Variants in RNMT observed in about 807,000 individuals in gnomAD.
The protein encoded by RNMT is mRNA cap guanine-N(7) methyltransferase.
In RNMT, 27 loss-of-function variants were observed where a neutral mutation model predicts 56.0. That is an observed-to-expected ratio of 0.48 (90% CI 0.36 to 0.67). The LOEUF (loss-of-function observed/expected upper bound fraction) is 0.67, where lower values mean the gene tolerates loss of function less well. RNMT is among the 30% of genes least tolerant of loss of function. The pLI is 0.00. For synonymous variants in RNMT, 184 were observed against 176.2 expected (o/e 1.04, Z -0.35); for missense variants, 519 against 552.1 (o/e 0.94, Z 0.60).
intron 6 of RNMT, 23 bp downstream of exon 6, chr18:13,740,302 A>G (rs1184376948): frequency 8.2e-7 from 1 of 1,217,324 alleles, no homozygotes; most frequent in East Asian, 2.4e-5. Flanking sequence ...TCTTTGGTCA[A>G]TTTATTTTTT....
At chr18:13,755,477 A>G (rs1219909546) in intron 11 of RNMT, among the ~76,000 whole-genome samples, 2 of 152,234 alleles carry the variant, frequency 1.3e-5, no homozygotes, top group Non-Finnish European at 2.9e-5. Flanking sequence ...AGCTAAGATC[A>G]CAGAGCTAAC....
intron 8 of RNMT, among the ~76,000 whole-genome samples, chr18:13,745,250 G>C (rs1455086027): frequency 1.3e-5 from 2 of 152,162 alleles, no homozygotes; most frequent in Non-Finnish European, 2.9e-5. Context: ...ACATGACTCA[G>C]GTCCGCATTT....
At chr18:13,756,180 G>A (rs2044539729) in intron 11 of RNMT, among the ~76,000 whole-genome samples, 1 of 152,184 alleles carries the variant, frequency 6.6e-6, no homozygotes, top group Admixed American at 6.5e-5. Context: ...AGAAAGGAGA[G>A]AATTGCTATT....
At chr18:13,742,383 C>T in intron 7 of RNMT, 105 bp from the exon 8 acceptor site, 1 of 934,992 alleles carries the variant, frequency 1.1e-6, no homozygotes, top group East Asian at 2.7e-5. Flanking sequence ...AAAGGCTAAT[C>T]AAGTGTGCAT....
In RNMT at chr18:13,763,133, C is replaced by A; in HGVS notation, c.*3154C>A. On this transcript the variant is annotated 3_prime_UTR_variant, in exon 12 of 12. Transcript: ENST00000383314. Reference sequence around the variant, plus strand: ...TGGCCTGTTGGTCAAATAGGAAGTACAAGTGTGTGATGTTAGAACCTCCCT... The same window carrying A: ...TGGCCTGTTGGTCAAATAGGAAGTAAAAGTGTGTGATGTTAGAACCTCCCT... 4.4e-6 allele frequency: 2 copies of A among 455,978 alleles called. No individual in the cohort carries two copies. The highest frequency in any genetic ancestry group is 8.8e-6 in the Non-Finnish European group (2 of 226,776). The allele number at this position is 455,978 out of a possible 1,614,324, so 28.2% of individuals were successfully genotyped here.
chr18:13,750,090 A>T (rs540371007), intron 9 of RNMT, among the ~76,000 whole-genome samples: 1 of 152,162 alleles, frequency 6.6e-6, no homozygotes, highest in African/African-American at 2.4e-5. Flanking sequence ...CAAAATGCAG[A>T]TACTATAAAG....
At chr18:13,727,439 G>A (rs1212649481) in intron 1 of RNMT, among the ~76,000 whole-genome samples, 2 of 152,316 alleles carry the variant, frequency 1.3e-5, no homozygotes, top group African/African-American at 4.8e-5. Context: ...TCCACTTTGA[G>A]TTTGGTTTGG....
chr18:13,749,545 T>G (rs1350785068), intron 9 of RNMT, among the ~76,000 whole-genome samples: 1 of 152,188 alleles, frequency 6.6e-6, no homozygotes, highest in Admixed American at 6.5e-5. Flanking sequence ...TCTTAAAAGT[T>G]TATTAGGGAG....
In RNMT at chr18:13,755,332, T is replaced by C. The variant is rs552999092; in HGVS notation, c.1393+1185T>C. Among the ~76,000 whole-genome samples the C allele has an allele frequency of 2.6e-5, 4 of 152,326 alleles. No individual in the cohort carries two copies. The East Asian group carries it at 5.8e-4, about 22-fold the overall frequency. On this transcript the variant is annotated intron_variant, in intron 11 of 11. Coordinates refer to ENST00000383314, the MANE Select transcript of RNMT (RefSeq NM_003799.3). ...ATGTAGTAATATTGATATTACTGAG[T>C]GTTGAACATGTGCAGGTGCGTGTAA...
At chr18:13,733,947 C>T (rs2044116511) in intron 3 of RNMT, among the ~76,000 whole-genome samples, 1 of 152,170 alleles carries the variant, frequency 6.6e-6, no homozygotes, top group Non-Finnish European at 1.5e-5. Context: ...TGTCCCTACC[C>T]AGATCTCATC....
Position 13,761,940 on chromosome 18 carries a change from CT to C in RNMT, c.*1963del. The C allele has an allele frequency of 7.1e-7, 1 of 1,417,618 alleles. No individual in the cohort carries two copies. Among genetic ancestry groups the C allele is most frequent in the Non-Finnish European group, 9.3e-7 (1 of 1,080,074 alleles). The allele number at this position is 1,417,618 out of a possible 1,614,324, so 87.8% of individuals were successfully genotyped here. A position where few individuals can be genotyped will look rare whatever the true frequency, so the allele number is the denominator to read the frequency against. ...CTGTTAGGAAGAGGACTAGAAAAGG[CT>C]TCCCCTGCCTATCCTCTCCGATCAC... is the stretch of plus-strand genomic sequence containing the variant. On this transcript the variant is annotated 3_prime_UTR_variant, in exon 12 of 12. Coordinates refer to ENST00000383314, the MANE Select transcript of RNMT (RefSeq NM_003799.3).
In RNMT at chr18:13,752,359, T is replaced by C; in HGVS notation, c.1291T>C (p.Ser431Pro). ...TGCAAATGAGAGTTCTAAACTTGTCTCTGAGAAGGTGGATGACTATGAACA... is the reference window on the plus strand; with the variant it reads ...TGCAAATGAGAGTTCTAAACTTGTCCCTGAGAAGGTGGATGACTATGAACA... The part of the protein sequence containing the change: ...YPANESSKLV[S>P]EKVDDYEHAA... Residue 431 changes from serine to proline, a missense_variant, in exon 10 of 12, where the codon TCT becomes CCT. Ser to Pro is a moderately conservative substitution (Grantham distance 74). Transcript: ENST00000383314. The C allele has an allele frequency of 6.2e-7, 1 of 1,613,312 alleles. No individual in the cohort carries two copies. Among genetic ancestry groups the C allele is most frequent in the Middle Eastern group, 1.7e-4 (1 of 6,056 alleles).
intron 8 of RNMT, 21 bp from the exon 9 acceptor site, chr18:13,746,199 T>G (rs1602023535): frequency 3.2e-6 from 4 of 1,240,112 alleles, no homozygotes; most frequent in South Asian, 1.3e-5. Flanking sequence ...GCTTTTTCAT[T>G]AAGTATTCTT....
At position 13,761,421 on chromosome 18, in the gene RNMT, A is replaced by T. The variant is rs2044617181; in HGVS notation, c.*1442A>T. 1 of 985,466 alleles carries T rather than the reference A, an allele frequency of 1.0e-6. No individual in the cohort carries two copies. The highest frequency in any genetic ancestry group is 1.7e-5 in the African/African-American group (1 of 57,262). 61.0% of individuals were successfully genotyped at this position (985,466 alleles called of 1,614,324 possible). On this transcript the variant is annotated 3_prime_UTR_variant, in exon 12 of 12. Coordinates refer to ENST00000383314, the MANE Select transcript of RNMT (RefSeq NM_003799.3). ...ACATATGCAGGTTCGTTTTCATTCT[A>T]GGGCAGTGCCAGGAAGTATATTGAT...
intron 9 of RNMT, among the ~76,000 whole-genome samples, chr18:13,750,127 T>A (rs999849941): frequency 2.0e-5 from 3 of 152,152 alleles, no homozygotes; most frequent in Admixed American, 6.5e-5. Context: ...GAATTAAAAA[T>A]GGCACTTGAA....
intron 8 of RNMT, chr18:13,742,929 T>C (rs2044276084): frequency 4.1e-6 from 1 of 242,932 alleles, no homozygotes; most frequent in African/African-American, 2.3e-5. Flanking sequence ...CCAGTTGCCT[T>C]CAGCTTGTGG....
rs142277511 is a variant in RNMT, at chr18:13,732,762, T to TTTTTTTTTC, written c.417+828_417+829insTTTTTTTTC. On this transcript the variant is annotated intron_variant, in intron 3 of 11. Transcript: ENST00000383314. ...CCCCCCTTTTTTTTTTTTTTTTTTTTGGAGACAGAGTCTCACTCTGTCTCC... is the reference window on the plus strand; with the variant it reads ...CCCCCCTTTTTTTTTTTTTTTTTTTTTTTTTTTTCGGAGACAGAGTCTCACTCTGTCTCC... Among the ~76,000 whole-genome samples the TTTTTTTTTC allele has an allele frequency of 4.1e-5, 4 of 98,680 alleles. 1 individual carries two copies. The highest frequency in any genetic ancestry group is 7.5e-4 in the South Asian group (2 of 2,670). The allele number at this position is 98,680 out of a possible 152,430, so 64.7% of individuals were successfully genotyped here.
intron 11 of RNMT, among the ~76,000 whole-genome samples, chr18:13,759,721 G>C (rs927468504): frequency 6.6e-6 from 1 of 152,078 alleles, no homozygotes; most frequent in Non-Finnish European, 1.5e-5. Context: ...ATATCACTGA[G>C]TATTATAGTA....
rs552795636 is a variant in RNMT at position 13,762,459 on chromosome 18, A to G, written c.*2480A>G. 3.4e-5 allele frequency: 10 copies of G among 290,000 alleles called. No individual in the cohort carries two copies. In the East Asian group the frequency reaches 8.1e-4, roughly 23 times the overall value. 18.0% of individuals were successfully genotyped at this position (290,000 alleles called of 1,614,324 possible). On this transcript the variant is annotated 3_prime_UTR_variant, in exon 12 of 12. Coordinates refer to ENST00000383314, the MANE Select transcript of RNMT (RefSeq NM_003799.3). Reference sequence around the variant, plus strand: ...TCAGGCTTGGCCCTGCTGTGCCTTCAGTACCCAGCCAGGTTCTCTGGGTCC... The same window carrying G: ...TCAGGCTTGGCCCTGCTGTGCCTTCGGTACCCAGCCAGGTTCTCTGGGTCC...
Sources: gnomAD v4.1 joint callset for allele counts (sites outside exome capture counted in the v4.1 genomes callset) on GRCh38, gnomAD v4.1.1 for gene constraint, MANE v1.5 for transcripts, NCBI Gene and HGNC (gene_info 2026-07-23, HGNC 2026-07-21) for gene names.